Variants in RPTOR observed in about 807,000 individuals in gnomAD.
RPTOR encodes the protein regulatory associated protein of MTOR complex 1, also known as regulatory-associated protein of mTOR.
A neutral mutation model predicts 169.9 loss-of-function variants in RPTOR; 21 were observed. That is an observed-to-expected ratio of 0.12 (90% CI 0.09 to 0.18). The LOEUF is 0.18. Among genes scored for constraint, RPTOR ranks in the 10% least tolerant of loss-of-function variants. RPTOR has a pLI of 1.00. For missense variants in RPTOR, 1,133 were observed against 1,855.9 expected, an observed-to-expected ratio of 0.61 and a Z score of 7.16; for synonymous variants, 732 against 753.2, an observed-to-expected ratio of 0.97 and a Z score of 0.46.
chr17:80,949,483 G>A lies in RPTOR; in HGVS notation c.3306G>A (p.Leu1102=), dbSNP rs1029291902. ...AIRVWKNFAD[L]EKNPEMVTAW... is the part of the protein sequence containing the mutation. ...GGGTCTGGAAGAATTTTGCTGATTT[G>A]GAAAAGAACCCAGAGATGGTGACCG... Residue 1102 remains leucine, a synonymous_variant, in exon 28 of 34, where the codon TTG becomes TTA. Transcript: ENST00000306801. 1.4e-5 allele frequency: 22 copies of A among 1,614,040 alleles called. No homozygotes were observed. The highest frequency in any genetic ancestry group is 1.7e-5 in the Non-Finnish European group (20 of 1,180,040).
At position 80,962,949 on chromosome 17, in the gene RPTOR, C is replaced by T. The variant is rs963889814; in HGVS notation, c.3831C>T (p.Thr1277=). The T allele has an allele frequency of 9.3e-6, 15 of 1,613,692 alleles. No homozygotes were observed. Among genetic ancestry groups the T allele is most frequent in the African/African-American group, 1.3e-5 (1 of 75,048 alleles). ...ACAGTGGCTCCGTCAATCAGTTCAC[C>T]GCCATCTACAACAGCAGCGGAGAGC... The part of the protein sequence containing the change: ...LIACGSVNQF[T]AIYNSSGELI... Residue 1277 remains threonine (T), a synonymous_variant, in exon 33 of 34, where the codon ACC becomes ACT. Transcript: ENST00000306801.
chr17:80,674,043 A>G (rs1384830362), intron 3 of RPTOR, among the ~76,000 whole-genome samples: 3 of 152,198 alleles, frequency 2.0e-5, no homozygotes, highest in Non-Finnish European at 4.4e-5. Flanking sequence ...TCTTTGGTGC[A>G]TTGCCCCCAT....
rs1194229842 is a variant in RPTOR at position 80,844,152 on chromosome 17, G to A, written c.1213-2321G>A. Among the ~76,000 whole-genome samples the A allele has an allele frequency of 6.6e-6, 1 of 152,208 alleles. No homozygotes were observed. Among genetic ancestry groups the A allele is most frequent in the Admixed American group, 6.5e-5 (1 of 15,288 alleles). On this transcript the variant is annotated intron_variant, in intron 10 of 33. Coordinates refer to ENST00000306801, the MANE Select transcript of RPTOR (RefSeq NM_020761.3). The surrounding 1 kb of genome is among the most constrained non-coding windows in gnomAD (Gnocchi z 4.7). ...GGGTGGAGACACGGGCCGCTCTCGA[G>A]ATGTTTTCCGGAATATCATATAAAG... is the stretch of plus-strand genomic sequence containing the variant.
intron 20 of RPTOR, among the ~76,000 whole-genome samples, chr17:80,895,744 C>G (rs1425198448): frequency 6.6e-6 from 1 of 152,246 alleles, no homozygotes; most frequent in South Asian, 2.1e-4. Flanking sequence ...GCCCCCATCT[C>G]GCCACTCTCT....
At chr17:80,595,036 G>GGAGA (rs34187919) in intron 1 of RPTOR, among the ~76,000 whole-genome samples, 4 of 150,578 alleles carry the variant, frequency 2.7e-5, no homozygotes, top group Admixed American at 6.6e-5. Flanking sequence ...GAACAAGAAG[G>GGAGA]GAGAGAGAGA....
At chr17:80,958,281 A>T (rs1327847881) in intron 29 of RPTOR, among the ~76,000 whole-genome samples, 2 of 150,870 alleles carry the variant, frequency 1.3e-5, no homozygotes, top group Non-Finnish European at 2.9e-5. Context: ...TTGTAGAAAC[A>T]GGGGTCTCAG....
intron 3 of RPTOR, among the ~76,000 whole-genome samples, chr17:80,674,635 G>T (rs942145495): frequency 2.6e-5 from 4 of 151,928 alleles, no homozygotes; most frequent in Non-Finnish European, 5.9e-5. Context: ...TAATCCTTCT[G>T]AATTGGTTCT....
intron 1 of RPTOR, among the ~76,000 whole-genome samples, chr17:80,587,916 A>C (rs780498129): frequency 1.3e-5 from 2 of 152,098 alleles, no homozygotes; most frequent in African/African-American, 4.8e-5. Flanking sequence ...CTTTTGACCA[A>C]CATCTCCCCT....
At chr17:80,948,536 G>A (rs530523322) in intron 27 of RPTOR, 111 of 152,688 alleles carry the variant, frequency 7.3e-4, no homozygotes, top group Admixed American at 1.3e-3. Flanking sequence ...GGCTGAGAGA[G>A]CGAGCACTGG....
At chr17:80,736,364 G>A (rs1460455687) in intron 5 of RPTOR, among the ~76,000 whole-genome samples, 6 of 152,160 alleles carry the variant, frequency 3.9e-5, no homozygotes, top group Admixed American at 2.0e-4. Context: ...CCTGTCCGAC[G>A]GTCACTCACT....
chr17:80,908,938 C>CAGTCCA lies in RPTOR; in HGVS notation c.2520+9_2520+10insAGTCCA. 1 of 1,593,822 alleles carries CAGTCCA rather than the reference C, an allele frequency of 6.3e-7. No homozygotes were observed. ...ACAGCATCGCCTACAAGGTACGTGCCGGGCGCTCCCCACCGCGCTCCAGCT... is the reference window on the plus strand; with the variant it reads ...ACAGCATCGCCTACAAGGTACGTGCCAGTCCAGGGCGCTCCCCACCGCGCTCCAGCT... On this transcript the variant is annotated intron_variant, in intron 21 of 33. Transcript: ENST00000306801.
At chr17:80,853,957 G>A (rs2067824397) in intron 11 of RPTOR, among the ~76,000 whole-genome samples, 1 of 151,824 alleles carries the variant, frequency 6.6e-6, no homozygotes, top group Non-Finnish European at 1.5e-5. Context: ...CTCCAGCCTG[G>A]GCGACCGAGT....
chr17:80,904,420 C>T (rs1468393185), intron 20 of RPTOR, among the ~76,000 whole-genome samples: 2 of 152,208 alleles, frequency 1.3e-5, no homozygotes, highest in African/African-American at 4.8e-5. Flanking sequence ...CTGAACTGCT[C>T]CGACAGCCGG....
chr17:80,894,619 A>G (rs1010928557), intron 20 of RPTOR, among the ~76,000 whole-genome samples: 2 of 152,246 alleles, frequency 1.3e-5, no homozygotes, highest in African/African-American at 4.8e-5. Flanking sequence ...CACTGCTGGT[A>G]ACAGATTTAG....
Position 80,844,783 on chromosome 17 carries a change from G to A in RPTOR, c.1213-1690G>A, listed in dbSNP as rs980484616. 6.6e-6 allele frequency among the ~76,000 whole-genome samples: 1 copy of A among 152,184 alleles called. No individual in the cohort carries two copies. Among genetic ancestry groups the A allele is most frequent in the Non-Finnish European group, 1.5e-5 (1 of 68,036 alleles). On this transcript the variant is annotated intron_variant, in intron 10 of 33. Transcript: ENST00000306801. The surrounding 1 kb of genome is among the most constrained non-coding windows in gnomAD (Gnocchi z 4.7). ...GCACCCTGTCCTGCTCCTGGCGTTC[G>A]CCTGTCCACATGTGTCCACATTCAC... is the stretch of plus-strand genomic sequence containing the variant.
chr17:80,604,287 T>C (rs2065212466), intron 1 of RPTOR, among the ~76,000 whole-genome samples: 1 of 152,216 alleles, frequency 6.6e-6, no homozygotes, highest in African/African-American at 2.4e-5. Flanking sequence ...GAAACAGAAC[T>C]TTTCTGAGCT....
At chr17:80,673,661 A>G (rs533720195) in intron 3 of RPTOR, among the ~76,000 whole-genome samples, 1 of 152,342 alleles carries the variant, frequency 6.6e-6, no homozygotes, top group African/African-American at 2.4e-5. Flanking sequence ...GTTTGTCTTC[A>G]GGATCTGCTG....
At chr17:80,875,510 C>T (rs11651707) in intron 13 of RPTOR, among the ~76,000 whole-genome samples, 34,229 of 152,160 alleles carry the variant, frequency 0.22, 4,089 homozygotes, top group East Asian at 0.37. Context: ...TCATGCTCTT[C>T]CCACCTGCTT....
chr17:80,708,952 C>T lies in RPTOR; in HGVS notation c.507+953C>T. 1.0e-6 allele frequency: 1 copy of T among 985,832 alleles called. No homozygotes were observed. Among genetic ancestry groups the T allele is most frequent in the East Asian group, 1.1e-4 (1 of 8,802 alleles). The allele number at this position is 985,832 out of a possible 1,614,324, so 61.1% of individuals were successfully genotyped here. ...CCTGCCATCATAGTGAGGACTCTGA[C>T]TCCGTTTCTTCACACACTGAACTCT... On this transcript the variant is annotated intron_variant, in intron 4 of 33. Coordinates refer to ENST00000306801, the MANE Select transcript of RPTOR (RefSeq NM_020761.3). The surrounding 1 kb of genome is among the most constrained non-coding windows in gnomAD (Gnocchi z 4.2).
Sources: gnomAD v4.1 joint callset for allele counts (sites outside exome capture counted in the v4.1 genomes callset) on GRCh38, gnomAD v4.1.1 for gene constraint, Gnocchi (gnomAD v3.1) non-coding constraint, MANE v1.5 for transcripts, NCBI Gene and HGNC (gene_info 2026-07-23, HGNC 2026-07-21) for gene names.